Variants in MCC observed in about 807,000 individuals in gnomAD.
The protein encoded by MCC is MCC regulator of Wnt signaling pathway, also known as colorectal mutant cancer protein.
MCC carries 90 observed loss-of-function variants against 116.2 expected under a neutral mutation model. That is an observed-to-expected ratio of 0.77 (90% CI 0.65 to 0.92). MCC has a LOEUF of 0.92. Among genes scored for constraint, MCC ranks in the 40% least tolerant of loss-of-function variants. The probability of loss-of-function intolerance (pLI) is 0.00; values close to 1 mark genes in which losing one functional copy is unlikely to be tolerated. For missense variants in MCC, 1,516 were observed against 1,312.2 expected (o/e 1.16, Z -2.40); for synonymous variants, 578 against 510.5 (o/e 1.13, Z -1.78).
intron 3 of MCC, among the ~76,000 whole-genome samples, chr5:113,213,930 A>AT (rs1362613483): frequency 1.3e-5 from 2 of 151,898 alleles, no homozygotes; most frequent in Non-Finnish European, 2.9e-5. Context: ...TGCATCATTT[A>AT]TTTTTTTTCT....
At chr5:113,407,382 C>G (rs546763940) in intron 1 of MCC, among the ~76,000 whole-genome samples, 8 of 152,124 alleles carry the variant, frequency 5.3e-5, no homozygotes, top group Admixed American at 6.5e-5. Context: ...AGGGTGAAAT[C>G]CTACCTTTGC....
intron 1 of MCC, among the ~76,000 whole-genome samples, chr5:113,394,170 T>C (rs1465197796): frequency 2.0e-5 from 3 of 152,172 alleles, no homozygotes; most frequent in Admixed American, 1.3e-4. Flanking sequence ...CAGTCACCCA[T>C]GCTGGAAATC....
At position 113,078,094 on chromosome 5, in the gene MCC, C is replaced by T. The variant is rs1384095577; in HGVS notation, c.1784+4766G>A. On this transcript the variant is annotated intron_variant, in intron 11 of 18. Coordinates refer to ENST00000408903, the MANE Select transcript of MCC (RefSeq NM_001085377.2). ...TTCCTGGACACATACACCTTCCCAA[C>T]ACTAAACCGGGAAGGAGTTGAATCC... Among the ~76,000 whole-genome samples the T allele has an allele frequency of 2.0e-5, 3 of 152,116 alleles. No homozygotes were observed. The East Asian group carries it at 5.8e-4, about 29-fold the overall frequency.
At chr5:113,440,530 G>A (rs1771004800) in intron 1 of MCC, among the ~76,000 whole-genome samples, 1 of 151,274 alleles carries the variant, frequency 6.6e-6, no homozygotes, top group Non-Finnish European at 1.5e-5. Context: ...ATGCTCTATA[G>A]GTACTCAATA....
intron 6 of MCC, among the ~76,000 whole-genome samples, chr5:113,107,822 G>T (rs1014481255): frequency 6.6e-6 from 1 of 152,186 alleles, no homozygotes; most frequent in African/African-American, 2.4e-5. Context: ...GAGCCGGAGT[G>T]GTGGCAACAG....
chr5:113,205,343 C>T (rs1449053306), intron 3 of MCC, among the ~76,000 whole-genome samples: 3 of 152,204 alleles, frequency 2.0e-5, no homozygotes, highest in African/African-American at 7.2e-5. Flanking sequence ...GAGAACACTA[C>T]CTGCCCTGCT....
At chr5:113,126,952 G>GT (rs1221927219) in intron 5 of MCC, among the ~76,000 whole-genome samples, 1 of 152,098 alleles carries the variant, frequency 6.6e-6, no homozygotes, top group Non-Finnish European at 1.5e-5. Context: ...TGGGGGGTTT[G>GT]TTGTACAGAT....
chr5:113,346,168 A>T (rs1768126878), intron 2 of MCC, among the ~76,000 whole-genome samples: 2 of 152,248 alleles, frequency 1.3e-5, no homozygotes, highest in African/African-American at 4.8e-5. Flanking sequence ...ACACAAGCAC[A>T]GTCAGAGGAG....
intron 13 of MCC, 97 bp downstream of exon 13, chr5:113,067,983 T>C (rs1753739771): frequency 1.9e-6 from 2 of 1,044,302 alleles, no homozygotes; most frequent in African/African-American, 1.6e-5. Context: ...AAATTTTGTG[T>C]TGTCGGGAGA....
In MCC at chr5:113,024,929, A is replaced by G. The variant is rs1189267769; in HGVS notation, c.*2373T>C. 3.3e-5 allele frequency: 5 copies of G among 152,218 alleles called. No homozygotes were observed. Among genetic ancestry groups the G allele is most frequent in the African/African-American group, 1.2e-4 (5 of 41,446 alleles). The allele number at this position is 152,218 out of a possible 1,614,324, so 9.4% of individuals were successfully genotyped here. A position where few individuals can be genotyped will look rare whatever the true frequency, so the allele number is the denominator to read the frequency against. ...TTTGCCTGCAAAATAGTTTTTACCC[A>G]AATCACATTTGAAAGTACTAAAACT... On this transcript the variant is annotated 3_prime_UTR_variant, in exon 19 of 19. Transcript: ENST00000408903.
At chr5:113,036,961 G>C (rs1192367301) in intron 17 of MCC, among the ~76,000 whole-genome samples, 2 of 152,162 alleles carry the variant, frequency 1.3e-5, no homozygotes, top group African/African-American at 4.8e-5. Flanking sequence ...AGACCCATGT[G>C]CTTTTATGGA....
chr5:113,199,672 G>A (rs756990098), intron 3 of MCC, among the ~76,000 whole-genome samples: 1 of 152,208 alleles, frequency 6.6e-6, no homozygotes, highest in Non-Finnish European at 1.5e-5. Context: ...GGTGAATGGG[G>A]TGAAGGCAGT....
intron 3 of MCC, among the ~76,000 whole-genome samples, chr5:113,189,411 G>C (rs556677161): frequency 6.6e-6 from 1 of 152,214 alleles, no homozygotes; most frequent in Non-Finnish European, 1.5e-5. Context: ...GATGATCAAA[G>C]CAGAGATTGA....
intron 3 of MCC, among the ~76,000 whole-genome samples, chr5:113,328,573 T>C (rs1452835632): frequency 2.0e-5 from 3 of 152,218 alleles, no homozygotes; most frequent in Non-Finnish European, 4.4e-5. Flanking sequence ...TTCAAATGCA[T>C]CTCTGATAGA....
intron 2 of MCC, among the ~76,000 whole-genome samples, chr5:113,355,612 T>C (rs2150383483): frequency 6.6e-6 from 1 of 152,140 alleles, no homozygotes; most frequent in South Asian, 2.1e-4. Context: ...CATGGTAGGG[T>C]TCTGGTGGGG....
intron 12 of MCC, 40 bp from the exon 13 acceptor site, chr5:113,068,223 C>A (rs767151563): frequency 6.7e-6 from 10 of 1,490,536 alleles, no homozygotes; most frequent in Admixed American, 5.1e-5. Flanking sequence ...TTGCAGAGAA[C>A]AGCGGACACC....
At chr5:113,188,567 A>T (rs1762009352) in intron 3 of MCC, among the ~76,000 whole-genome samples, 1 of 152,230 alleles carries the variant, frequency 6.6e-6, no homozygotes, top group Admixed American at 6.5e-5. Context: ...AAAAGCAGAA[A>T]GGGGAAGGGA....
intron 3 of MCC, among the ~76,000 whole-genome samples, chr5:113,298,018 A>C (rs1281326014): frequency 6.6e-6 from 1 of 152,148 alleles, no homozygotes; most frequent in Non-Finnish European, 1.5e-5. Flanking sequence ...AGGAGCTTGA[A>C]ATGGAATTAT....
At chr5:113,085,418 A>C in intron 8 of MCC, 108 bp from the exon 9 acceptor site, 1 of 1,104,670 alleles carries the variant, frequency 9.1e-7, no homozygotes, top group Non-Finnish European at 1.3e-6. Flanking sequence ...GGATCAGCCC[A>C]CTGAAAAGCT....
Sources: gnomAD v4.1 joint callset for allele counts (sites outside exome capture counted in the v4.1 genomes callset) on GRCh38, gnomAD v4.1.1 for gene constraint, MANE v1.5 for transcripts, NCBI Gene and HGNC (gene_info 2026-07-23, HGNC 2026-07-21) for gene names.